GRIK2: variants seen among roughly 807,000 people sequenced by gnomAD.
GRIK2 encodes glutamate ionotropic receptor kainate type subunit 2.
In GRIK2, 32 loss-of-function variants were observed where a neutral mutation model predicts 100.3. That is an observed-to-expected ratio of 0.32 (90% CI 0.24 to 0.43). The LOEUF is 0.43. Among genes scored for constraint, GRIK2 ranks in the 20% least tolerant of loss-of-function variants. GRIK2 has a pLI of 1.00. For missense variants in GRIK2, 843 were observed against 1,114.9 expected, an observed-to-expected ratio of 0.76 and a Z score of 3.47; for synonymous variants, 417 against 389.4, an observed-to-expected ratio of 1.07 and a Z score of -0.83.
chr6:101,471,008 G>A (rs1053927867), intron 2 of GRIK2, among the ~76,000 whole-genome samples: 16 of 151,972 alleles, frequency 1.1e-4, no homozygotes, highest in Admixed American at 1.1e-3. Flanking sequence ...CTTACCTTTT[G>A]ATATTCTTTT....
intron 14 of GRIK2, among the ~76,000 whole-genome samples, chr6:101,963,645 C>T (rs1226934054): frequency 6.6e-6 from 1 of 151,488 alleles, no homozygotes; most frequent in Non-Finnish European, 1.5e-5. Context: ...AGCCACCGCG[C>T]CCGGCCACTT....
intron 7 of GRIK2, among the ~76,000 whole-genome samples, chr6:101,795,492 G>C (rs1034073476): frequency 6.6e-6 from 1 of 152,194 alleles, no homozygotes; most frequent in African/African-American, 2.4e-5. Context: ...AGTGGGCTCA[G>C]GTGGGCCAAT....
At chr6:101,889,533 T>A in intron 11 of GRIK2, 107 bp from the exon 12 acceptor site, 1 of 644,170 alleles carries the variant, frequency 1.6e-6, no homozygotes, top group Non-Finnish European at 2.7e-6. Context: ...GTGTAAAGCC[T>A]TTGTTTTATT....
intron 14 of GRIK2, among the ~76,000 whole-genome samples, chr6:101,972,644 G>A (rs1246061655): frequency 1.3e-5 from 2 of 151,780 alleles, no homozygotes; most frequent in African/African-American, 4.8e-5. Flanking sequence ...CAAGGTCAAT[G>A]TCAAGAAGAG....
intron 14 of GRIK2, among the ~76,000 whole-genome samples, chr6:102,028,358 GATTTT>G (rs1769810129): frequency 6.6e-6 from 1 of 151,154 alleles, no homozygotes; most frequent in Non-Finnish European, 1.5e-5. Context: ...CTTCTGAACT[GATTTT>G]ATTGGTTTGT....
intron 2 of GRIK2, among the ~76,000 whole-genome samples, chr6:101,457,220 T>G (rs1298453049): frequency 6.6e-6 from 1 of 152,174 alleles, no homozygotes; most frequent in Non-Finnish European, 1.5e-5. Flanking sequence ...GTGTACATAA[T>G]TTTAATATCA....
At chr6:101,671,603 C>T (rs1300167909) in intron 4 of GRIK2, among the ~76,000 whole-genome samples, 2 of 152,072 alleles carry the variant, frequency 1.3e-5, no homozygotes, top group African/African-American at 4.8e-5. Flanking sequence ...CGGTGGCTCA[C>T]GACTGTAATC....
At chr6:101,899,599 C>T (rs1210037054) in intron 12 of GRIK2, among the ~76,000 whole-genome samples, 2 of 152,064 alleles carry the variant, frequency 1.3e-5, no homozygotes, top group Non-Finnish European at 1.5e-5. Context: ...ATGTTAAATC[C>T]TAAATTAATT....
At chr6:101,798,622 A>G (rs1005163775) in intron 7 of GRIK2, among the ~76,000 whole-genome samples, 1 of 152,016 alleles carries the variant, frequency 6.6e-6, no homozygotes, top group Non-Finnish European at 1.5e-5. Context: ...GCTGTAATCT[A>G]CAGGGTTCCT....
chr6:101,552,471 CCCCTCCTAA>C (rs1776556442), intron 2 of GRIK2, among the ~76,000 whole-genome samples: 1 of 152,032 alleles, frequency 6.6e-6, no homozygotes, highest in Non-Finnish European at 1.5e-5. Context: ...TCCCAGGGAG[CCCCTCCTAA>C]CCCTGCATTA....
intron 4 of GRIK2, among the ~76,000 whole-genome samples, chr6:101,653,935 C>T (rs1236502143): frequency 6.6e-6 from 1 of 152,060 alleles, no homozygotes; most frequent in African/African-American, 2.4e-5. Flanking sequence ...AAATATCTTT[C>T]TAGTGGAAAA....
intron 14 of GRIK2, among the ~76,000 whole-genome samples, chr6:102,033,028 T>C (rs1215825268): frequency 6.6e-6 from 1 of 151,240 alleles, no homozygotes; most frequent in Non-Finnish European, 1.5e-5. Flanking sequence ...AGTCCTGGTT[T>C]TGCCACTAAG....
intron 7 of GRIK2, among the ~76,000 whole-genome samples, chr6:101,768,122 G>A (rs974120724): frequency 6.6e-6 from 1 of 152,088 alleles, no homozygotes; most frequent in East Asian, 1.9e-4. Flanking sequence ...GCCTCCCAAA[G>A]TGCTGGGATT....
chr6:101,481,653 AT>A (rs910456031), intron 2 of GRIK2, among the ~76,000 whole-genome samples: 3 of 152,138 alleles, frequency 2.0e-5, no homozygotes, highest in Non-Finnish European at 4.4e-5. Context: ...ATACAATTTA[AT>A]TTTTTGAACT....
intron 7 of GRIK2, among the ~76,000 whole-genome samples, chr6:101,754,536 C>T (rs1036777578): frequency 2.6e-5 from 4 of 152,172 alleles, no homozygotes. Flanking sequence ...GCTAACCAAT[C>T]ATAATGTAAA....
chr6:101,828,405 G>A (rs73512786), intron 10 of GRIK2, among the ~76,000 whole-genome samples: 13,296 of 151,670 alleles, frequency 0.088, 1,583 homozygotes, highest in African/African-American at 0.27. Flanking sequence ...CAGAGCTAGC[G>A]TAAAAAAGAA....
At chr6:101,652,580 G>A (rs549937633) in intron 4 of GRIK2, among the ~76,000 whole-genome samples, 1 of 152,246 alleles carries the variant, frequency 6.6e-6, no homozygotes, top group East Asian at 1.9e-4. Context: ...GAAAAGCAGA[G>A]AAATGAAGTG....
At chr6:101,626,271 CAA>C (rs368212664) in intron 3 of GRIK2, 107 bp from the exon 4 acceptor site, 23 of 1,033,872 alleles carry the variant, frequency 2.2e-5, no homozygotes, top group Middle Eastern at 3.3e-4. Context: ...TTTAAAAACA[CAA>C]ATCTTTCTTG....
At chr6:101,823,060 C>T (rs187923094) in intron 10 of GRIK2, among the ~76,000 whole-genome samples, 73 of 152,210 alleles carry the variant, frequency 4.8e-4, no homozygotes, top group East Asian at 1.4e-3. Context: ...TTTTTCTCTA[C>T]GGAGAACATT....
Sources: allele counts gnomAD v4.1 joint callset (sites outside exome capture counted in the v4.1 genomes callset), GRCh38; gene constraint gnomAD v4.1.1; transcripts MANE v1.5; gene names NCBI Gene and HGNC (gene_info 2026-07-23, HGNC 2026-07-21).